ADCY7: variants seen among roughly 807,000 people sequenced by gnomAD.
The protein encoded by ADCY7 is adenylate cyclase 7, also known as adenylate cyclase type 7.
ADCY7 carries 72 observed loss-of-function variants against 120.6 expected under a neutral mutation model. The ratio of observed to expected loss-of-function variants is 0.60; its 90% confidence interval spans 0.49 to 0.73. The LOEUF (loss-of-function observed/expected upper bound fraction) is 0.73, where lower values mean the gene tolerates loss of function less well. Among genes scored for constraint, ADCY7 ranks in the 30% least tolerant of loss-of-function variants. ADCY7 has a pLI of 0.00. For missense variants in ADCY7, 1,227 were observed against 1,486.0 expected (o/e 0.83, Z 2.87); for synonymous variants, 661 against 628.0 (o/e 1.05, Z -0.78).
chr16:50,301,058 C>G (rs1188092207), intron 9 of ADCY7, 24 bp from the exon 10 acceptor site: 1 of 1,610,786 alleles, frequency 6.2e-7, no homozygotes, highest in Non-Finnish European at 8.5e-7. Flanking sequence ...CCCCAAGGCT[C>G]TGCCTGACTT....
intron 1 of ADCY7, among the ~76,000 whole-genome samples, chr16:50,270,949 A>G (rs567827692): frequency 8.7e-4 from 133 of 152,256 alleles, no homozygotes; most frequent in South Asian, 2.7e-3. Context: ...CACCAAGGAC[A>G]GTAGCATGGT....
At position 50,297,357 on chromosome 16, in the gene ADCY7, C is replaced by T. The variant is rs1047190626; in HGVS notation, c.949-1547C>T. 6.6e-6 allele frequency among the ~76,000 whole-genome samples: 1 copy of T among 152,192 alleles called. No homozygotes were observed. Among genetic ancestry groups the T allele is most frequent in the Admixed American group, 6.5e-5 (1 of 15,286 alleles). ...AGGGGACTGTCAGCCGGTGGAGCAG[C>T]CGGGGGAATGTGGCCTCTCCTACAT... is the stretch of plus-strand genomic sequence containing the variant. On this transcript the variant is annotated intron_variant, in intron 7 of 25. Coordinates refer to ENST00000673801, the MANE Select transcript of ADCY7 (RefSeq NM_001114.5). This position sits in a 1 kb window ranked among gnomAD's most constrained non-coding sequence, Gnocchi z 4.4.
chr16:50,306,787 G>A (rs1034547614), intron 14 of ADCY7, among the ~76,000 whole-genome samples: 18 of 152,190 alleles, frequency 1.2e-4, no homozygotes, highest in Admixed American at 3.3e-4. Flanking sequence ...AACTTACCAA[G>A]TGTAACATCA....
chr16:50,304,887 T>C (rs1567571529), intron 11 of ADCY7, 38 bp from the exon 12 acceptor site: 20 of 1,613,644 alleles, frequency 1.2e-5, no homozygotes, highest in Non-Finnish European at 1.6e-5. Flanking sequence ...CCCAGTGTTC[T>C]GGGGAATGAC....
chr16:50,259,697 G>T (rs2050062175), intron 1 of ADCY7, among the ~76,000 whole-genome samples: 1 of 152,190 alleles, frequency 6.6e-6, no homozygotes, highest in Non-Finnish European at 1.5e-5. Context: ...TTTAGGAGGG[G>T]CAGTAGCCGC....
At chr16:50,293,293 CGCTGGTCCCTCCGCCGGTCGCTTT>C in intron 5 of ADCY7, 37 bp from the exon 6 acceptor site, 1 of 1,580,594 alleles carries the variant, frequency 6.3e-7, no homozygotes, top group Non-Finnish European at 8.6e-7. Context: ...GCCTGTCCCC[CGCTGGTCCCTCCGCCGGTCGCTTT>C]GCTGGTCCCT....
chr16:50,310,636 G>A (rs760757450), intron 18 of ADCY7, 51 bp from the exon 19 acceptor site: 37 of 1,605,792 alleles, frequency 2.3e-5, no homozygotes, highest in Non-Finnish European at 2.8e-5. Flanking sequence ...GGCTGGAGGC[G>A]AGAGTACGTG....
At chr16:50,294,516 A>C in intron 6 of ADCY7, 124 bp from the exon 7 acceptor site, 1 of 616,824 alleles carries the variant, frequency 1.6e-6, no homozygotes, top group Non-Finnish European at 2.8e-6. Flanking sequence ...AGGCTGAGGA[A>C]GGACGGGGGT....
At chr16:50,293,559 G>A (rs180966661) in intron 6 of ADCY7, 57 bp downstream of exon 6, 585 of 1,577,990 alleles carry the variant, frequency 3.7e-4, no homozygotes, top group Admixed American at 5.4e-4. Flanking sequence ...CCGTTCCACC[G>A]GCCCCCAGGC....
At chr16:50,257,839 C>T (rs2032957350) in intron 1 of ADCY7, among the ~76,000 whole-genome samples, 1 of 151,730 alleles carries the variant, frequency 6.6e-6, no homozygotes, top group South Asian at 2.1e-4. Flanking sequence ...ACCTCCCAGG[C>T]TCAGGTGATC....
At chr16:50,261,639 A>T (rs1234886833), upstream of ADCY7, among the ~76,000 whole-genome samples, 1 of 150,862 alleles carries the variant, frequency 6.6e-6, no homozygotes, top group Non-Finnish European at 1.5e-5. Context: ...ACAGCCCCCC[A>T]CGGGCTCCCA....
intron 1 of ADCY7, among the ~76,000 whole-genome samples, chr16:50,260,329 A>C (rs1331146740): frequency 6.6e-6 from 1 of 152,194 alleles, no homozygotes; most frequent in African/African-American, 2.4e-5. Context: ...TGCATGAATA[A>C]GTTCAGGTTC....
intron 1 of ADCY7, among the ~76,000 whole-genome samples, chr16:50,246,981 A>G (rs760389892): frequency 6.6e-6 from 1 of 152,160 alleles, no homozygotes; most frequent in African/African-American, 2.4e-5. Context: ...CCTTAAAATG[A>G]GGAACAGGAT....
rs115907147 is a variant in ADCY7, at chr16:50,308,006, A to G, written c.1851-321A>G. The stretch of plus-strand genomic sequence containing the variant: ...GTGAGACTCCATCTCAAAAAAAAAA[A>G]AAAAAAAAAACGAAGAAAGATGTAA... On this transcript the variant is annotated intron_variant, in intron 15 of 25. Coordinates refer to ENST00000673801, the MANE Select transcript of ADCY7 (RefSeq NM_001114.5). Among the ~76,000 whole-genome samples the G allele has an allele frequency of 9.8e-3, 1,486 of 151,990 alleles. 28 individuals are homozygous for G. Among genetic ancestry groups the G allele is most frequent in the African/African-American group, 0.034 (1,393 of 41,388 alleles).
chr16:50,248,564 C>A (rs1389714608), intron 1 of ADCY7, among the ~76,000 whole-genome samples: 1 of 152,212 alleles, frequency 6.6e-6, no homozygotes, highest in East Asian at 1.9e-4. Context: ...TTTACAGATA[C>A]CCTGTATAAA....
Position 50,308,647 on chromosome 16 carries a change from T to G in ADCY7, c.1936-20T>G, listed in dbSNP as rs370345922. 4 of 1,602,238 alleles carry G rather than the reference T, an allele frequency of 2.5e-6. No homozygotes were observed. The highest frequency in any genetic ancestry group is 3.4e-6 in the Non-Finnish European group (4 of 1,173,458). The stretch of plus-strand genomic sequence containing the variant: ...GCCCAGGCTGTTGGCTCTGGGTGAC[T>G]TGACCCTGTTACCCCACAGAGGTGC... On this transcript the variant is annotated intron_variant, in intron 16 of 25. Coordinates refer to ENST00000673801, the MANE Select transcript of ADCY7 (RefSeq NM_001114.5).
chr16:50,292,454 G>T (rs1448130909), intron 4 of ADCY7, among the ~76,000 whole-genome samples: 1 of 152,184 alleles, frequency 6.6e-6, no homozygotes, highest in Non-Finnish European at 1.5e-5. Context: ...GGTCTCTTCT[G>T]CCTCCCTGGG....
intron 10 of ADCY7, among the ~76,000 whole-genome samples, chr16:50,302,924 T>A (rs2035827610): frequency 6.6e-6 from 1 of 152,246 alleles, no homozygotes; most frequent in African/African-American, 2.4e-5. Context: ...CCTTACGCCA[T>A]TGCTGTGTGG....
rs766003087 is a variant in ADCY7 at position 50,308,281 on chromosome 16, GGGCAGAAGGCCCTA to G, written c.1851-38_1851-25del. ...GAGGATTGGTGGGGGCGGTGGTCCTGGGCAGAAGGCCCTAGGCAGAACTGAGGTTCTTCCCTCCT... is the reference window on the plus strand; with the variant it reads ...GAGGATTGGTGGGGGCGGTGGTCCTGGGCAGAACTGAGGTTCTTCCCTCCT... On this transcript the variant is annotated intron_variant, in intron 15 of 25. Coordinates refer to ENST00000673801, the MANE Select transcript of ADCY7 (RefSeq NM_001114.5). The G allele has an allele frequency of 9.3e-6, 15 of 1,613,992 alleles. No individual in the cohort carries two copies. The South Asian group carries it at 1.6e-4, about 18-fold the overall frequency.
Sources: allele counts gnomAD v4.1 joint callset (sites outside exome capture counted in the v4.1 genomes callset), GRCh38; gene constraint gnomAD v4.1.1; non-coding constraint Gnocchi (gnomAD v3.1); transcripts MANE v1.5; gene names NCBI Gene and HGNC (gene_info 2026-07-23, HGNC 2026-07-21).